The following BRD10 variants were observed in gnomAD, a reference collection of about 807,000 sequenced individuals.
The protein encoded by BRD10 is bromodomain containing 10, also known as uncharacterized bromodomain-containing protein 10.
At chr9:5,979,609 A>G in the BRD10 span, among the ~76,000 whole-genome samples, 12 of 152,206 alleles carry the variant, frequency 7.9e-5, no homozygotes, top group African/African-American at 1.2e-4. Context: ...TAAGACAACT[A>G]AAGTAGACTT....
At chr9:5,996,092 C>CG in the BRD10 span, among the ~76,000 whole-genome samples, 1 of 151,956 alleles carries the variant, frequency 6.6e-6, no homozygotes, top group African/African-American at 2.4e-5. Flanking sequence ...AAACTAAAGG[C>CG]GGGGGGTTCA....
At chr9:5,920,755 G>C in the BRD10 span, 4 of 1,613,818 alleles carry the variant, frequency 2.5e-6, no homozygotes, top group African/African-American at 2.7e-5. Context: ...GTGTAGGTAA[G>C]GCAACCGTAA....
the BRD10 span, among the ~76,000 whole-genome samples, chr9:5,978,768 A>G: frequency 2.0e-5 from 3 of 152,226 alleles, no homozygotes; most frequent in Non-Finnish European, 4.4e-5. Context: ...TTTGATACCA[A>G]GAACCTGGAA....
chr9:5,884,045 T>C, the BRD10 span, among the ~76,000 whole-genome samples: 2 of 152,328 alleles, frequency 1.3e-5, no homozygotes, highest in East Asian at 3.9e-4. Context: ...GGAGCAAGCA[T>C]TTAAATAAAA....
chr9:5,924,947 A>T, the BRD10 span: 4 of 834,878 alleles, frequency 4.8e-6, no homozygotes. Flanking sequence ...AATATTTTTT[A>T]TTAAGTCACT....
At chr9:5,880,005 C>T in the BRD10 span, among the ~76,000 whole-genome samples, 800 of 152,154 alleles carry the variant, frequency 5.3e-3, 3 homozygotes, top group Non-Finnish European at 8.7e-3. Context: ...CTGCAACCTC[C>T]GCCTCCCGGG....
chr9:5,880,573 T>G, the BRD10 span, among the ~76,000 whole-genome samples: 1 of 152,156 alleles, frequency 6.6e-6, no homozygotes, highest in Admixed American at 6.5e-5. Flanking sequence ...TCTTTAGCTC[T>G]TAAAAAGTCT....
At chr9:5,985,662 G>C in the BRD10 span, among the ~76,000 whole-genome samples, 1 of 152,082 alleles carries the variant, frequency 6.6e-6, no homozygotes, top group African/African-American at 2.4e-5. Context: ...GTGCTTGCCT[G>C]TGATCCCAGC....
chr9:5,968,394 T>C, the BRD10 span: 1 of 1,612,186 alleles, frequency 6.2e-7, no homozygotes, highest in Non-Finnish European at 8.5e-7. Context: ...TGATTTTCTA[T>C]AAACCTTATT....
At chr9:6,007,603 GCCT>G in the BRD10 span, 9 of 1,606,224 alleles carry the variant, frequency 5.6e-6, no homozygotes, top group Non-Finnish European at 7.7e-6. Flanking sequence ...GATCACCATC[GCCT>G]CCATCTCTTC....
the BRD10 span, chr9:6,007,181 C>T: frequency 4.4e-6 from 7 of 1,607,482 alleles, no homozygotes; most frequent in African/African-American, 9.4e-5. Flanking sequence ...CCACCGGGGA[C>T]CGGGCTCGCT....
chr9:5,880,703 C>CTT, the BRD10 span, among the ~76,000 whole-genome samples: 348 of 138,770 alleles, frequency 2.5e-3, 1 homozygote, highest in African/African-American at 8.1e-3. Flanking sequence ...TCCAACATTA[C>CTT]TTTTTTTTTT....
chr9:5,992,766 A>T, the BRD10 span, among the ~76,000 whole-genome samples: 1 of 150,588 alleles, frequency 6.6e-6, no homozygotes, highest in African/African-American at 2.5e-5. Flanking sequence ...GTGTTAATAC[A>T]TTCCAAATTT....
the BRD10 span, among the ~76,000 whole-genome samples, chr9:5,896,673 C>T: frequency 6.6e-6 from 1 of 152,188 alleles, no homozygotes; most frequent in South Asian, 2.1e-4. Flanking sequence ...TGTGATCAGG[C>T]AGATGTTAGC....
At chr9:5,960,186 T>G in the BRD10 span, among the ~76,000 whole-genome samples, 10 of 152,316 alleles carry the variant, frequency 6.6e-5, no homozygotes, top group Non-Finnish European at 5.9e-5. Context: ...ACTTAGTTTT[T>G]TCACCTATAA....
the BRD10 span, among the ~76,000 whole-genome samples, chr9:5,935,381 C>A: frequency 6.6e-6 from 1 of 152,170 alleles, no homozygotes; most frequent in Non-Finnish European, 1.5e-5. Flanking sequence ...TGTCTTCCAG[C>A]TTTGTAGCGG....
At chr9:5,985,785 C>CAAA in the BRD10 span, among the ~76,000 whole-genome samples, 4 of 143,868 alleles carry the variant, frequency 2.8e-5, no homozygotes, top group South Asian at 4.5e-4. Flanking sequence ...AACTCCGTCT[C>CAAA]AAAAAAAATA....
At chr9:5,967,298 G>C in the BRD10 span, among the ~76,000 whole-genome samples, 1 of 151,814 alleles carries the variant, frequency 6.6e-6, no homozygotes, top group Non-Finnish European at 1.5e-5. Flanking sequence ...TGATTTAAAA[G>C]ACAGACAACA....
the BRD10 span, among the ~76,000 whole-genome samples, chr9:6,006,861 G>C: frequency 6.6e-6 from 1 of 152,198 alleles, no homozygotes; most frequent in African/African-American, 2.4e-5. Context: ...AAAAGTTGCA[G>C]GTCCAACTTC....
Sources: gnomAD v4.1 joint callset for allele counts (sites outside exome capture counted in the v4.1 genomes callset) on GRCh38, gnomAD v4.1.1 for gene constraint, MANE v1.5 for transcripts, NCBI Gene and HGNC (gene_info 2026-07-23, HGNC 2026-07-21) for gene names.